The following GGA2 variants were observed in gnomAD, a reference collection of about 807,000 sequenced individuals.
GGA2 encodes the protein golgi associated, gamma adaptin ear containing, ARF binding protein 2.
Under a neutral mutation model 79.5 loss-of-function variants are expected in GGA2, and 48 were observed. The ratio of observed to expected loss-of-function variants is 0.60; its 90% CI spans 0.48 to 0.77. The LOEUF (loss-of-function observed/expected upper bound fraction) is 0.77. Ranked by LOEUF, GGA2 falls within the 30% of genes least tolerant of loss-of-function variation. GGA2 has a pLI of 0.00. For missense variants in GGA2, 770 were observed against 774.0 expected, an observed-to-expected ratio of 0.99 and a Z score of 0.06; for synonymous variants, 317 against 302.0, an observed-to-expected ratio of 1.05 and a Z score of -0.51.
At chr16:23,477,513 G>A (rs987623106) in intron 13 of GGA2, among the ~76,000 whole-genome samples, 1 of 152,156 alleles carries the variant, frequency 6.6e-6, no homozygotes, top group African/African-American at 2.4e-5. Flanking sequence ...GGAGGCTGAG[G>A]CAGACGGATC....
chr16:23,471,800 G>C (rs9939086), intron 14 of GGA2, among the ~76,000 whole-genome samples: 1 of 152,148 alleles, frequency 6.6e-6, no homozygotes, highest in East Asian at 1.9e-4. Flanking sequence ...TAGCTACCTG[G>C]GGGTCTGAGG....
At chr16:23,474,555 G>A (rs553050190) in intron 14 of GGA2, among the ~76,000 whole-genome samples, 5 of 151,994 alleles carry the variant, frequency 3.3e-5, no homozygotes, top group South Asian at 2.1e-4. Flanking sequence ...AGAGGGCTTC[G>A]TTATGTTGGC....
chr16:23,489,750 G>A (rs957927406), intron 5 of GGA2, among the ~76,000 whole-genome samples: 1 of 152,214 alleles, frequency 6.6e-6, no homozygotes, highest in African/African-American at 2.4e-5. Flanking sequence ...AAGAAAATAA[G>A]CTCTTCTCCA....
chr16:23,483,944 G>A (rs1424353301), intron 8 of GGA2, among the ~76,000 whole-genome samples: 3 of 150,558 alleles, frequency 2.0e-5, no homozygotes, highest in Non-Finnish European at 3.0e-5. Context: ...ACTGCGCCCG[G>A]CTGGGCTGTG....
rs769879117 is a variant in GGA2, at chr16:23,486,805, C to T, written c.580-15G>A. ...CTTGTCAGAAGCTGCAGAGAGTGAA[C>T]AGGAAGAGTAGGTGAGACCACAACT... is the stretch of plus-strand genomic sequence containing the variant. On this transcript the variant is annotated splice_polypyrimidine_tract_variant and intron_variant, in intron 6 of 16. Transcript: ENST00000309859. 4.5e-6 allele frequency: 7 copies of T among 1,546,192 alleles called. No homozygotes were observed. In the East Asian group the frequency reaches 1.3e-4, roughly 30 times the overall value.
chr16:23,476,586 T>TGATATGAAATGCATCACA, intron 13 of GGA2, among the ~76,000 whole-genome samples: 1 of 152,294 alleles, frequency 6.6e-6, no homozygotes, highest in African/African-American at 2.4e-5. Context: ...TTATAGAAAC[T>TGATATGAAATGCATCACA]GATATGAAAT....
intron 14 of GGA2, among the ~76,000 whole-genome samples, chr16:23,471,500 T>A (rs1964510637): frequency 6.6e-6 from 1 of 152,074 alleles, no homozygotes; most frequent in Non-Finnish European, 1.5e-5. Context: ...TAAATGAGAC[T>A]GTAACATAAC....
At chr16:23,469,199 C>T (rs1964480416) in intron 15 of GGA2, 1 of 491,690 alleles carries the variant, frequency 2.0e-6, no homozygotes, top group Non-Finnish European at 3.7e-6. Context: ...CCTTTCCTTC[C>T]ACACACAGAA....
rs1401744192 is a variant in GGA2, at chr16:23,480,843, A to G, written c.881-73T>C. On this transcript the variant is annotated intron_variant, in intron 9 of 16. Coordinates refer to ENST00000309859, the MANE Select transcript of GGA2 (RefSeq NM_015044.4). ...ATCTCAGTCTTTTCTAAGCTTTTCCATAAAACAGCCTTCATATGGCTAGAC... is the reference window on the plus strand; with the variant it reads ...ATCTCAGTCTTTTCTAAGCTTTTCCGTAAAACAGCCTTCATATGGCTAGAC... 3.5e-6 allele frequency: 5 copies of G among 1,448,160 alleles called. No homozygotes were observed. In the Admixed American group the frequency reaches 8.7e-5, roughly 25 times the overall value. The allele number at this position is 1,448,160 out of a possible 1,614,324, so 89.7% of individuals were successfully genotyped here.
At chr16:23,516,960 G>T (rs1392173002) in intron 2 of GGA2, among the ~76,000 whole-genome samples, 12 of 150,050 alleles carry the variant, frequency 8.0e-5, no homozygotes, top group Admixed American at 7.3e-4. Context: ...GTGGCCAGGA[G>T]GGTGGAGAGA....
At chr16:23,517,892 C>T (rs1046532732) in intron 2 of GGA2, among the ~76,000 whole-genome samples, 1 of 151,986 alleles carries the variant, frequency 6.6e-6, no homozygotes, top group Admixed American at 6.6e-5. Context: ...AGCCACCGCG[C>T]CTGGCCTATT....
intron 1 of GGA2, among the ~76,000 whole-genome samples, chr16:23,504,533 G>A (rs2142142534): frequency 6.6e-6 from 1 of 152,308 alleles, no homozygotes; most frequent in East Asian, 1.9e-4. Flanking sequence ...AAATAACTGG[G>A]CCCCTAAACA....
chr16:23,491,549 C>T, intron 5 of GGA2, 128 bp downstream of exon 5: 1 of 322,466 alleles, frequency 3.1e-6, no homozygotes, highest in Non-Finnish European at 5.4e-6. Context: ...AAAAAAAAAA[C>T]TCTACCTCAG....
chr16:23,475,951 C>CAAAG (rs34560583), intron 13 of GGA2, among the ~76,000 whole-genome samples: 109,702 of 150,798 alleles, frequency 0.73, 40,623 homozygotes, highest in Non-Finnish European at 0.81. Context: ...AAGAAAAAAA[C>CAAAG]AAAAGCACTT....
chr16:23,491,529 G>A (rs1277770108), intron 5 of GGA2, 148 bp downstream of exon 5: 11 of 412,160 alleles, frequency 2.7e-5, no homozygotes, highest in Middle Eastern at 5.2e-4. Flanking sequence ...GATTTATTGC[G>A]TAAAAAAAAA....
intron 15 of GGA2, 135 bp from the exon 16 acceptor site, chr16:23,469,131 G>A (rs1964479456): frequency 1.7e-6 from 1 of 581,546 alleles, no homozygotes; most frequent in Non-Finnish European, 3.1e-6. Context: ...GTACCCCGAG[G>A]CACCTATGGG....
intron 1 of GGA2, among the ~76,000 whole-genome samples, chr16:23,500,623 C>G (rs1219444790): frequency 6.6e-6 from 1 of 152,066 alleles, no homozygotes; most frequent in Non-Finnish European, 1.5e-5. Flanking sequence ...GCAGAGGCGT[C>G]GCAGATGGAA....
upstream of GGA2, among the ~76,000 whole-genome samples, chr16:23,514,600 A>T (rs1965092950): frequency 6.6e-6 from 1 of 151,788 alleles, no homozygotes; most frequent in South Asian, 2.1e-4. Context: ...ACAGGCACAC[A>T]CACCACCGCT....
intron 8 of GGA2, among the ~76,000 whole-genome samples, chr16:23,484,951 T>G (rs1964693423): frequency 6.6e-6 from 1 of 152,196 alleles, no homozygotes; most frequent in South Asian, 2.1e-4. Context: ...TTCAAAGGCA[T>G]CATTCATAAT....
Sources: gnomAD v4.1 joint callset for allele counts (sites outside exome capture counted in the v4.1 genomes callset) on GRCh38, gnomAD v4.1.1 for gene constraint, MANE v1.5 for transcripts, NCBI Gene and HGNC (gene_info 2026-07-23, HGNC 2026-07-21) for gene names.